Variants in COL25A1 observed in about 807,000 individuals in gnomAD.
COL25A1 encodes collagen alpha-1(XXV) chain.
In COL25A1, 103 loss-of-function variants were observed where a neutral mutation model predicts 128.4. The observed-to-expected ratio is 0.80, with a 90% CI of 0.68 to 0.94. The LOEUF (loss-of-function observed/expected upper bound fraction) is 0.94, where lower values mean the gene tolerates loss of function less well. Ranked by LOEUF, COL25A1 falls within the 40% of genes least tolerant of loss-of-function variation. COL25A1 has a pLI of 0.00. For synonymous variants in COL25A1, 279 were observed against 277.2 expected, an observed-to-expected ratio of 1.01 and a Z score of -0.06; for missense variants, 745 against 840.0, an observed-to-expected ratio of 0.89 and a Z score of 1.40.
chr4:109,093,468 A>C (rs887360459), intron 3 of COL25A1, among the ~76,000 whole-genome samples: 2 of 151,278 alleles, frequency 1.3e-5, no homozygotes, highest in Non-Finnish European at 2.9e-5. Flanking sequence ...AAAAAAAAAA[A>C]AAAAAAAACC....
chr4:109,013,445 C>T (rs1367258167), intron 5 of COL25A1, among the ~76,000 whole-genome samples: 2 of 122,758 alleles, frequency 1.6e-5, no homozygotes, highest in African/African-American at 6.9e-5. Context: ...TAAAAGCAGG[C>T]TGCCTGAGCC....
At chr4:109,230,958 G>C (rs967942213) in intron 3 of COL25A1, among the ~76,000 whole-genome samples, 1 of 152,078 alleles carries the variant, frequency 6.6e-6, no homozygotes, top group Non-Finnish European at 1.5e-5. Context: ...GGCCAACATG[G>C]TGAAACCCCA....
intron 35 of COL25A1, among the ~76,000 whole-genome samples, chr4:108,822,964 T>C (rs892234875): frequency 2.0e-5 from 3 of 152,184 alleles, no homozygotes; most frequent in Non-Finnish European, 4.4e-5. Context: ...GTAAATGTGA[T>C]GATACTGGTG....
chr4:108,874,059 A>G (rs1005662136), intron 19 of COL25A1, among the ~76,000 whole-genome samples: 3 of 152,218 alleles, frequency 2.0e-5, no homozygotes, highest in African/African-American at 4.8e-5. Flanking sequence ...TAAGCAAATG[A>G]CTACTATACT....
At position 108,873,580 on chromosome 4, in the gene COL25A1, C is replaced by CAGT. The variant is rs1256991878; in HGVS notation, c.1021-4433_1021-4431dup. On this transcript the variant is annotated intron_variant, in intron 19 of 37. Coordinates refer to ENST00000399132, the MANE Select transcript of COL25A1 (RefSeq NM_198721.4). The stretch of plus-strand genomic sequence containing the variant: ...GTAGTAGCAGCAGTAGCAGCAGTAG[C>CAGT]AGTAGTAGTAGTAGTAGTGTTACAA... 6.9e-4 allele frequency among the ~76,000 whole-genome samples: 103 copies of CAGT among 149,268 alleles called. 1 individual carries two copies. In the South Asian group the frequency reaches 0.016, roughly 23 times the overall value.
intron 3 of COL25A1, among the ~76,000 whole-genome samples, chr4:109,255,991 C>A (rs1347131411): frequency 1.3e-5 from 2 of 152,058 alleles, no homozygotes; most frequent in Non-Finnish European, 2.9e-5. Flanking sequence ...ATCTGCTCAT[C>A]AATGCTAATC....
At chr4:108,823,468 G>A (rs1401272855) in intron 35 of COL25A1, among the ~76,000 whole-genome samples, 2 of 152,072 alleles carry the variant, frequency 1.3e-5, no homozygotes, top group Admixed American at 1.3e-4. Flanking sequence ...AAGAACAAAG[G>A]AGAGGAAAGG....
At chr4:108,878,911 G>A (rs541072937) in intron 19 of COL25A1, among the ~76,000 whole-genome samples, 26 of 152,104 alleles carry the variant, frequency 1.7e-4, no homozygotes, top group African/African-American at 5.8e-4. Flanking sequence ...TATAAGTAAC[G>A]ATAACACAAT....
chr4:109,106,895 G>A (rs1450970604), intron 3 of COL25A1, among the ~76,000 whole-genome samples: 2 of 152,248 alleles, frequency 1.3e-5, no homozygotes, highest in East Asian at 1.9e-4. Flanking sequence ...AGCTTCCAGA[G>A]TAGCTGGGAC....
At chr4:109,080,454 C>T (rs1186058382) in intron 3 of COL25A1, among the ~76,000 whole-genome samples, 3 of 151,978 alleles carry the variant, frequency 2.0e-5, no homozygotes, top group Admixed American at 1.3e-4. Flanking sequence ...TGTAGGACTC[C>T]GTAAGTCTGT....
At chr4:109,175,475 A>G (rs1423271036) in intron 3 of COL25A1, among the ~76,000 whole-genome samples, 1 of 152,214 alleles carries the variant, frequency 6.6e-6, no homozygotes, top group African/African-American at 2.4e-5. Context: ...ACTACACAGC[A>G]TTCCAATAAG....
intron 3 of COL25A1, among the ~76,000 whole-genome samples, chr4:109,054,121 TC>T (rs1342137443): frequency 4.6e-5 from 7 of 152,186 alleles, no homozygotes; most frequent in African/African-American, 1.7e-4. Context: ...ACTTTTACTT[TC>T]TTTATATTTT....
chr4:109,196,752 C>T (rs1217977037), intron 3 of COL25A1, among the ~76,000 whole-genome samples: 1 of 152,138 alleles, frequency 6.6e-6, no homozygotes, highest in Non-Finnish European at 1.5e-5. Context: ...GTGGATTTAG[C>T]AGAAAGCTAC....
intron 19 of COL25A1, 101 bp from the exon 20 acceptor site, chr4:108,869,251 A>ATT (rs1181493829): frequency 1.2e-5 from 8 of 672,836 alleles, no homozygotes; most frequent in African/African-American, 2.0e-5. Flanking sequence ...TTCTACTGAG[A>ATT]TTTTACTTCC....
At chr4:108,951,989 T>C (rs1321309113) in intron 8 of COL25A1, among the ~76,000 whole-genome samples, 1 of 152,184 alleles carries the variant, frequency 6.6e-6, no homozygotes, top group Non-Finnish European at 1.5e-5. Flanking sequence ...AGTTCAAAAT[T>C]AATGACAAAG....
intron 30 of COL25A1, 33 bp from the exon 31 acceptor site, chr4:108,841,754 A>C (rs767571214): frequency 6.4e-7 from 1 of 1,552,332 alleles, no homozygotes; most frequent in Non-Finnish European, 8.9e-7. Context: ...TTAATTAAGA[A>C]TTGATTCCCT....
chr4:109,122,062 T>G (rs1355634933), intron 3 of COL25A1, among the ~76,000 whole-genome samples: 2 of 152,064 alleles, frequency 1.3e-5, no homozygotes. Context: ...TATATGATAT[T>G]CTGAAAAAGG....
At chr4:109,223,405 C>G (rs1010388121) in intron 3 of COL25A1, among the ~76,000 whole-genome samples, 2 of 152,068 alleles carry the variant, frequency 1.3e-5, no homozygotes, top group African/African-American at 4.8e-5. Context: ...ATTTCCCCCC[C>G]CCAAAAAAAA....
At chr4:108,941,621 T>C (rs1748103065) in intron 8 of COL25A1, among the ~76,000 whole-genome samples, 184 bp from the exon 9 acceptor site, 1 of 152,190 alleles carries the variant, frequency 6.6e-6, no homozygotes, top group Admixed American at 6.5e-5. Flanking sequence ...AGAAATATAA[T>C]CCTGAAATGG....
Sources: allele counts gnomAD v4.1 joint callset (sites outside exome capture counted in the v4.1 genomes callset), GRCh38; gene constraint gnomAD v4.1.1; transcripts MANE v1.5; gene names NCBI Gene and HGNC (gene_info 2026-07-23, HGNC 2026-07-21).